Variants in STK32A observed in about 807,000 individuals in gnomAD.
STK32A encodes serine/threonine-protein kinase 32A.
In STK32A, 41 loss-of-function variants were observed where a neutral mutation model predicts 53.2. The ratio of observed to expected loss-of-function variants is 0.77; its 90% CI spans 0.60 to 1.00. STK32A has a LOEUF of 1.00. Ranked by LOEUF, STK32A falls within the 50% of genes least tolerant of loss-of-function variation. The pLI, the probability that STK32A is intolerant of heterozygous loss-of-function variation, is 0.00. For missense variants in STK32A, 458 were observed against 485.8 expected, an observed-to-expected ratio of 0.94 and a Z score of 0.54; for synonymous variants, 166 against 162.8, an observed-to-expected ratio of 1.02 and a Z score of -0.15.
intron 6 of STK32A, among the ~76,000 whole-genome samples, chr5:147,349,795 C>G (rs1298386502): frequency 1.3e-5 from 2 of 152,074 alleles, no homozygotes; most frequent in Admixed American, 6.6e-5. Context: ...CAGTCTAGTG[C>G]TCTTTATAGA....
chr5:147,249,133 C>A (rs942035252), intron 2 of STK32A, among the ~76,000 whole-genome samples: 2 of 150,488 alleles, frequency 1.3e-5, no homozygotes, highest in East Asian at 3.9e-4. Context: ...ACTTATTAAA[C>A]CTATTAAAAT....
At chr5:147,391,712 C>T (rs1757809032), downstream of STK32A, 1 of 152,114 alleles carries the variant, frequency 6.6e-6, no homozygotes, top group African/African-American at 2.4e-5. Context: ...GAGTTATTCT[C>T]GCAATTCCCA....
At chr5:147,269,891 G>C (rs1179017272) in intron 2 of STK32A, among the ~76,000 whole-genome samples, 1 of 152,174 alleles carries the variant, frequency 6.6e-6, no homozygotes, top group African/African-American at 2.4e-5. Context: ...ACTGCATACA[G>C]GGAGATAATC....
At chr5:147,369,816 C>A (rs1756926911) in intron 8 of STK32A, among the ~76,000 whole-genome samples, 1 of 152,056 alleles carries the variant, frequency 6.6e-6, no homozygotes. Flanking sequence ...ATGTATTGTG[C>A]ACCTACTGAA....
chr5:147,296,373 T>G (rs756368705), intron 4 of STK32A, among the ~76,000 whole-genome samples: 6 of 151,954 alleles, frequency 3.9e-5, no homozygotes, highest in Non-Finnish European at 7.4e-5. Flanking sequence ...GAGTTTTATA[T>G]GTTGGCAGGC....
At chr5:147,358,124 C>A (rs146209135) in intron 7 of STK32A, among the ~76,000 whole-genome samples, 1 of 151,778 alleles carries the variant, frequency 6.6e-6, no homozygotes, top group East Asian at 1.9e-4. Flanking sequence ...TTAATACCCA[C>A]GTTTAAAAAA....
intron 4 of STK32A, 84 bp from the exon 5 acceptor site, chr5:147,323,814 C>A (rs769209044): frequency 3.0e-5 from 37 of 1,220,200 alleles, no homozygotes; most frequent in Non-Finnish European, 4.1e-5. Flanking sequence ...ACACTCTGCT[C>A]TGATCTGTAG....
intron 5 of STK32A, among the ~76,000 whole-genome samples, chr5:147,336,079 G>C (rs1315907097): frequency 6.6e-6 from 1 of 152,120 alleles, no homozygotes; most frequent in African/African-American, 2.4e-5. Flanking sequence ...ATTTGTGTTT[G>C]AGACTATTAC....
intron 2 of STK32A, among the ~76,000 whole-genome samples, chr5:147,250,327 G>A (rs1378943660): frequency 6.6e-6 from 1 of 152,134 alleles, no homozygotes; most frequent in Non-Finnish European, 1.5e-5. Context: ...AAAGACACGG[G>A]TATTAATTCT....
chr5:147,321,177 A>G (rs1165026968), intron 4 of STK32A, among the ~76,000 whole-genome samples: 1 of 152,362 alleles, frequency 6.6e-6, no homozygotes, highest in Non-Finnish European at 1.5e-5. Flanking sequence ...GTCGACTAAC[A>G]AATAAGTAAG....
chr5:147,289,845 A>G (rs1752519356), intron 4 of STK32A, among the ~76,000 whole-genome samples: 1 of 152,156 alleles, frequency 6.6e-6, no homozygotes, highest in Non-Finnish European at 1.5e-5. Context: ...TTGATCATGC[A>G]TTAGCCTCAA....
At chr5:147,275,495 T>G (rs1755214917) in intron 2 of STK32A, among the ~76,000 whole-genome samples, 1 of 152,154 alleles carries the variant, frequency 6.6e-6, no homozygotes, top group Admixed American at 6.5e-5. Context: ...TAGCAAATTT[T>G]TAATTTTTTG....
At chr5:147,274,594 A>G (rs1035324431) in intron 2 of STK32A, among the ~76,000 whole-genome samples, 1 of 152,200 alleles carries the variant, frequency 6.6e-6, no homozygotes, top group Non-Finnish European at 1.5e-5. Flanking sequence ...ATATTGCCTG[A>G]TAATACCCAG....
At position 147,311,252 on chromosome 5, in the gene STK32A, A is replaced by G. The variant is rs1024711129; in HGVS notation, c.261-12646A>G. Among the ~76,000 whole-genome samples, 11 of 152,058 alleles carry G rather than the reference A, an allele frequency of 7.2e-5. 1 individual carries two copies. The highest frequency in any genetic ancestry group is 3.3e-4 in the Admixed American group (5 of 15,266). On this transcript the variant is annotated intron_variant, in intron 4 of 12. Transcript: ENST00000397936. ...TTCTTGCCATATTCTATAACTACAT[A>G]TTTGTTTGTTAAATATTTGTTTATC...
rs556123802 is a variant in STK32A, at chr5:147,288,259, G to A, written c.260+8861G>A. Among the ~76,000 whole-genome samples the A allele has an allele frequency of 9.2e-5, 14 of 152,248 alleles. No individual in the cohort carries two copies. The East Asian group carries it at 2.5e-3, about 27-fold the overall frequency. ...GAGGGGGAATTCTTAAAGTACAACA[G>A]CAACTCCCTTTGTCTTCCAAACCAT... On this transcript the variant is annotated intron_variant, in intron 4 of 12. Coordinates refer to ENST00000397936, the MANE Select transcript of STK32A (RefSeq NM_001112724.2).
intron 2 of STK32A, among the ~76,000 whole-genome samples, chr5:147,277,306 T>G (rs1751794873): frequency 6.6e-6 from 1 of 152,210 alleles, no homozygotes; most frequent in African/African-American, 2.4e-5. Flanking sequence ...GATTGTCACC[T>G]GCACAGGAGA....
At chr5:147,300,287 G>T (rs903949327) in intron 4 of STK32A, among the ~76,000 whole-genome samples, 2 of 152,156 alleles carry the variant, frequency 1.3e-5, no homozygotes, top group African/African-American at 2.4e-5. Context: ...ACACAGCTAG[G>T]AAGTGGCAGA....
intron 4 of STK32A, among the ~76,000 whole-genome samples, chr5:147,294,912 T>C (rs757432598): frequency 2.0e-5 from 3 of 152,176 alleles, no homozygotes; most frequent in Non-Finnish European, 4.4e-5. Context: ...CTCGATCTCC[T>C]GACCGCATGA....
At chr5:147,249,265 T>C (rs893500255) in intron 2 of STK32A, among the ~76,000 whole-genome samples, 6 of 152,154 alleles carry the variant, frequency 3.9e-5, no homozygotes, top group African/African-American at 1.4e-4. Flanking sequence ...TGATCCCCCA[T>C]TTTCTCATAT....
Sources: allele counts gnomAD v4.1 joint callset (sites outside exome capture counted in the v4.1 genomes callset), GRCh38; gene constraint gnomAD v4.1.1; transcripts MANE v1.5; gene names NCBI Gene and HGNC (gene_info 2026-07-23, HGNC 2026-07-21).